Variants in NFIC observed in about 807,000 individuals in gnomAD.
NFIC encodes nuclear factor I C.
Under a neutral mutation model 54.4 loss-of-function variants are expected in NFIC, and 12 were observed. The observed-to-expected ratio is 0.22, with a 90% CI of 0.14 to 0.36. The LOEUF is 0.36. Ranked by LOEUF, NFIC falls within the 10% of genes least tolerant of loss-of-function variation. NFIC has a pLI of 1.00. For missense variants in NFIC, 575 were observed against 718.2 expected (o/e 0.80, Z 2.28); for synonymous variants, 322 against 319.2 (o/e 1.01, Z -0.09).
chr19:3,465,134 A>AC lies in NFIC; in HGVS notation c.*2371dup, dbSNP rs1315274989. ...TATCTCCCTGTTCCTCGCCCCCTCC[A>AC]CCCCCCACTTCCTCTTTAAAAAAAA... On this transcript the variant is annotated 3_prime_UTR_variant, in exon 11 of 11. Transcript: ENST00000443272. 1 of 89,180 alleles carries AC rather than the reference A, an allele frequency of 1.1e-5. No individual in the cohort carries two copies. Among genetic ancestry groups the AC allele is most frequent in the African/African-American group, 4.8e-5 (1 of 20,952 alleles). 5.5% of individuals were successfully genotyped at this position (89,180 alleles called of 1,614,324 possible). A position where few individuals can be genotyped will look rare whatever the true frequency, so the allele number is the denominator to read the frequency against.
In NFIC at chr19:3,452,566, C is replaced by T; in HGVS notation, c.1169C>T (p.Pro390Leu). The change falls in exon 8 of 11, where the codon CCC becomes CTC. Residue 390 changes from proline to leucine, a missense_variant. Pro to Leu is a moderately conservative substitution (Grantham distance 98). This residue lies in a region of NFIC where 447 missense variants were observed against 526.9 expected (regional missense o/e 0.85). Coordinates refer to ENST00000443272, the MANE Select transcript of NFIC (RefSeq NM_001245002.2). This position sits in a 1 kb window ranked among gnomAD's most constrained non-coding sequence, Gnocchi z 5.3. Reference protein sequence around the residue: ...ILPQTASTYFPHTAIRYPPHL... With the variant: ...ILPQTASTYFLHTAIRYPPHL... The stretch of plus-strand genomic sequence containing the variant: ...CCCCAGACGGCCTCCACCTACTTCC[C>T]CCACACGGCCATCCGCTACCCACCT... 2 of 1,613,906 alleles carry T rather than the reference C, an allele frequency of 1.2e-6. No individual in the cohort carries two copies. The highest frequency in any genetic ancestry group is 1.7e-6 in the Non-Finnish European group (2 of 1,180,006).
chr19:3,448,203 G>A (rs1181022157), intron 6 of NFIC, among the ~76,000 whole-genome samples: 2 of 152,242 alleles, frequency 1.3e-5, no homozygotes, highest in Admixed American at 1.3e-4. Flanking sequence ...CTCCCAAGTA[G>A]CTGGGATTAC....
intron 6 of NFIC, among the ~76,000 whole-genome samples, chr19:3,445,481 C>T (rs1379938001): frequency 6.6e-6 from 1 of 152,180 alleles, no homozygotes. Context: ...ATCCTTCCTG[C>T]CCCCCATGTG....
At chr19:3,416,187 A>G (rs973782351) in intron 2 of NFIC, among the ~76,000 whole-genome samples, 4 of 150,776 alleles carry the variant, frequency 2.7e-5, no homozygotes, top group African/African-American at 9.7e-5. Context: ...AATCAAGACC[A>G]TGATTGCCCC....
chr19:3,425,050 T>G, intron 2 of NFIC, 56 bp from the exon 3 acceptor site: 1 of 1,588,780 alleles, frequency 6.3e-7, no homozygotes, highest in South Asian at 1.1e-5. Context: ...ACACTTCATC[T>G]GCTCCTGGGG....
At chr19:3,382,847 C>T (rs2081235990) in intron 2 of NFIC, among the ~76,000 whole-genome samples, 1 of 151,788 alleles carries the variant, frequency 6.6e-6, no homozygotes, top group African/African-American at 2.4e-5. Flanking sequence ...CCAGTGCATG[C>T]AGGGCCCAGG....
At chr19:3,404,082 C>T (rs1302247843) in intron 2 of NFIC, among the ~76,000 whole-genome samples, 2 of 148,200 alleles carry the variant, frequency 1.3e-5, no homozygotes, top group Non-Finnish European at 3.0e-5. Context: ...CGTGCGTGTG[C>T]GTTCAGCCCG....
intron 2 of NFIC, among the ~76,000 whole-genome samples, chr19:3,410,439 C>T (rs747319861): frequency 5.3e-5 from 8 of 152,116 alleles, no homozygotes; most frequent in African/African-American, 1.2e-4. Flanking sequence ...CAGGCAGAGG[C>T]GCAGCCCGTG....
At chr19:3,412,155 T>C (rs2081773878) in intron 2 of NFIC, among the ~76,000 whole-genome samples, 1 of 152,226 alleles carries the variant, frequency 6.6e-6, no homozygotes, top group Non-Finnish European at 1.5e-5. Context: ...CGATCATAGC[T>C]CACTGCAGCC....
intron 2 of NFIC, among the ~76,000 whole-genome samples, chr19:3,392,267 T>A (rs1357967269): frequency 1.3e-5 from 2 of 152,066 alleles, no homozygotes; most frequent in Non-Finnish European, 2.9e-5. Context: ...AGCGGGGGTT[T>A]CACTATGTTG....
At chr19:3,372,182 G>A (rs1175604336) in intron 1 of NFIC, among the ~76,000 whole-genome samples, 2 of 151,962 alleles carry the variant, frequency 1.3e-5, no homozygotes, top group Admixed American at 6.6e-5. Context: ...CACCACGCCT[G>A]GCTAACTTTT....
intron 1 of NFIC, among the ~76,000 whole-genome samples, chr19:3,360,308 T>TCGCCCCGCCCC (rs1233305378): frequency 6.9e-6 from 1 of 145,896 alleles, no homozygotes; most frequent in Non-Finnish European, 1.5e-5. Context: ...CCGCCTGCCC[T>TCGCCCCGCCCC]CGCACCGCCC....
rs2082680747 is a variant in NFIC, at chr19:3,463,997, G to A, written c.*1228G>A. ...GAGAGATGGGGCCCCTGCGTGGCCC[G>A]AGGGGCAGAGCTGGGCGTCACTTCG... On this transcript the variant is annotated 3_prime_UTR_variant, in exon 11 of 11. Transcript: ENST00000443272. 4.1e-6 allele frequency: 4 copies of A among 984,822 alleles called. No homozygotes were observed. The highest frequency in any genetic ancestry group is 4.7e-5 in the South Asian group (1 of 21,266). 61.0% of individuals were successfully genotyped at this position (984,822 alleles called of 1,614,324 possible).
chr19:3,419,196 A>G (rs1003589313), intron 2 of NFIC, among the ~76,000 whole-genome samples: 5 of 152,170 alleles, frequency 3.3e-5, no homozygotes, highest in Non-Finnish European at 7.3e-5. Flanking sequence ...AATGTCCCTA[A>G]AGCTGTGCAT....
At chr19:3,438,673 G>A (rs1186037003) in intron 6 of NFIC, among the ~76,000 whole-genome samples, 2 of 152,004 alleles carry the variant, frequency 1.3e-5, no homozygotes, top group East Asian at 1.9e-4. Context: ...TCCTGACCTC[G>A]TGATCCGCCC....
At chr19:3,388,140 C>T (rs565665792) in intron 2 of NFIC, among the ~76,000 whole-genome samples, 1 of 152,232 alleles carries the variant, frequency 6.6e-6, no homozygotes, top group Non-Finnish European at 1.5e-5. Flanking sequence ...CAGTCCAGCG[C>T]CGGGAATGGC....
At chr19:3,384,049 GTTTTTTT>G (rs72250156) in intron 2 of NFIC, among the ~76,000 whole-genome samples, 1 of 132,816 alleles carries the variant, frequency 7.5e-6, no homozygotes, top group African/African-American at 2.8e-5. Context: ...GTTACCCAGT[GTTTTTTT>G]TTTTTTTTTT....
At chr19:3,427,645 A>G (rs2082046622) in intron 3 of NFIC, among the ~76,000 whole-genome samples, 1 of 151,504 alleles carries the variant, frequency 6.6e-6, no homozygotes. Flanking sequence ...CCTGACCAAC[A>G]TGGTGAAACC....
chr19:3,431,360 CTTTTTTTTTT>C lies in NFIC; in HGVS notation c.635-2141_635-2132del, dbSNP rs71164702. On this transcript the variant is annotated intron_variant, in intron 3 of 10. Transcript: ENST00000443272. ...CCTCATTCTTTTTCTTTTCCTTCTTCTTTTTTTTTTTTTTTTTTTTTTTTTTGAGACAGGG... is the reference window on the plus strand; with the variant it reads ...CCTCATTCTTTTTCTTTTCCTTCTTCTTTTTTTTTTTTTTTTGAGACAGGG... 2.4e-4 allele frequency among the ~76,000 whole-genome samples: 20 copies of C among 84,172 alleles called. 1 individual carries two copies. Among genetic ancestry groups the C allele is most frequent in the African/African-American group, 8.5e-4 (18 of 21,154 alleles). The allele number at this position is 84,172 out of a possible 152,430, so 55.2% of individuals were successfully genotyped here.
Sources: allele counts gnomAD v4.1 joint callset (sites outside exome capture counted in the v4.1 genomes callset), GRCh38; gene constraint gnomAD v4.1.1; regional missense constraint gnomAD v4.1.1; non-coding constraint Gnocchi (gnomAD v3.1); transcripts MANE v1.5; gene names NCBI Gene and HGNC (gene_info 2026-07-23, HGNC 2026-07-21).